NXPE4: variants seen among roughly 807,000 people sequenced by gnomAD.
The protein encoded by NXPE4 is neurexophilin and PC-esterase domain family member 4.
A neutral mutation model predicts 33.3 loss-of-function variants in NXPE4; 42 were observed. The ratio of observed to expected loss-of-function variants is 1.26; its 90% CI spans 0.98 to 1.63. The LOEUF is 1.63. Among genes scored for constraint, NXPE4 ranks in the 40% most tolerant of loss-of-function variants. The pLI is 0.00. For missense variants in NXPE4, 709 were observed against 647.6 expected (o/e 1.09, Z -1.03); for synonymous variants, 253 against 234.9 (o/e 1.08, Z -0.71).
At chr11:114,641,278 T>A in the NXPE4 span, among the ~76,000 whole-genome samples, 1 of 151,922 alleles carries the variant, frequency 6.6e-6, no homozygotes, top group Admixed American at 6.6e-5. Context: ...ATCTATATTT[T>A]AAAAATTCCA....
chr11:114,592,374 C>T (rs1949476200), intron 2 of NXPE4, among the ~76,000 whole-genome samples: 1 of 151,990 alleles, frequency 6.6e-6, no homozygotes, highest in African/African-American at 2.4e-5. Context: ...TTTCTATACA[C>T]CAATACCAAA....
intron 2 of NXPE4, among the ~76,000 whole-genome samples, chr11:114,593,009 A>G (rs187951569): frequency 6.6e-6 from 1 of 152,256 alleles, no homozygotes; most frequent in Non-Finnish European, 1.5e-5. Flanking sequence ...TTCTCTCACC[A>G]TATACAAAAC....
chr11:114,659,012 A>G, the NXPE4 span, among the ~76,000 whole-genome samples: 1 of 152,166 alleles, frequency 6.6e-6, no homozygotes, highest in Admixed American at 6.5e-5. Flanking sequence ...ACACTGAGAA[A>G]AACCCTTTGT....
intron 5 of NXPE4, among the ~76,000 whole-genome samples, chr11:114,576,868 C>T (rs1949004347): frequency 6.6e-6 from 1 of 150,416 alleles, no homozygotes; most frequent in Non-Finnish European, 1.5e-5. Flanking sequence ...AGTCATTATA[C>T]GAAAAAAATA....
chr11:114,632,502 G>A, the NXPE4 span, among the ~76,000 whole-genome samples: 1 of 118,462 alleles, frequency 8.4e-6, no homozygotes, highest in African/African-American at 3.2e-5. Context: ...ATATATTATA[G>A]TATTTTATTT....
intron 4 of NXPE4, 30 bp from the exon 5 acceptor site, chr11:114,580,368 C>A: frequency 6.3e-7 from 1 of 1,588,788 alleles, no homozygotes; most frequent in Non-Finnish European, 8.6e-7. Context: ...ATAGGATCTT[C>A]CAAAACATCA....
the NXPE4 span, among the ~76,000 whole-genome samples, chr11:114,628,086 C>A: frequency 6.7e-6 from 1 of 148,658 alleles, no homozygotes; most frequent in East Asian, 1.9e-4. Flanking sequence ...CTTTAACACC[C>A]CACTGTCAAC....
chr11:114,605,984 C>T, the NXPE4 span, among the ~76,000 whole-genome samples: 1 of 151,418 alleles, frequency 6.6e-6, no homozygotes, highest in Admixed American at 6.6e-5. Context: ...ACCATTGTTA[C>T]CAGGTGGATA....
At chr11:114,584,995 A>G (rs2135248319) in intron 2 of NXPE4, among the ~76,000 whole-genome samples, 1 of 152,224 alleles carries the variant, frequency 6.6e-6, no homozygotes, top group African/African-American at 2.4e-5. Flanking sequence ...TGAAATGCCA[A>G]GTGCCTGCTT....
chr11:114,570,997 G>A lies in NXPE4; in HGVS notation c.1576C>T (p.His526Tyr). The stretch of plus-strand genomic sequence containing the variant: ...TTTCCGACTACATGTTGAGGTGGGT[G>A]TACATTATTTGTGCCATATGCAATT... ...ITIAYGTNNVHPPQHVVGNQI... is the reference protein window; with the variant it reads ...ITIAYGTNNVYPPQHVVGNQI... Residue 526 changes from histidine (H) to tyrosine (Y), a missense_variant, in exon 6 of 6, where the codon CAC becomes TAC. Physicochemically the swap from His to Tyr is moderately conservative, Grantham distance 83. Coordinates refer to ENST00000375478, the MANE Select transcript of NXPE4 (RefSeq NM_001077639.2). 6.2e-7 allele frequency: 1 copy of A among 1,612,622 alleles called. No individual in the cohort carries two copies. The highest frequency in any genetic ancestry group is 1.3e-5 in the African/African-American group (1 of 74,994).
chr11:114,600,332 T>G (rs1949622717), upstream of NXPE4, among the ~76,000 whole-genome samples: 1 of 152,084 alleles, frequency 6.6e-6, no homozygotes, highest in Non-Finnish European at 1.5e-5. Context: ...TCAAAACAAT[T>G]AAAAGTCTTC....
At chr11:114,601,180 GTACCTGTCACTCAAATAGCA>G in the NXPE4 span, among the ~76,000 whole-genome samples, 1 of 151,408 alleles carries the variant, frequency 6.6e-6, no homozygotes, top group African/African-American at 2.4e-5. Context: ...GAGTTTTAGT[GTACCTGTCACTCAAATAGCA>G]TACATTTTAC....
At position 114,581,758 on chromosome 11, in the gene NXPE4, T is replaced by A. The variant is rs1370550206; in HGVS notation, c.859A>T (p.Lys287Ter). ...RSNVGVEIME[K>*]FNTISVSKCN... ...TTGGAGACACTAATTGTATTGAATTTTTCCATAATCTCTACACCCACATTT... is the reference window on the plus strand; with the variant it reads ...TTGGAGACACTAATTGTATTGAATTATTCCATAATCTCTACACCCACATTT... Residue 287 changes from lysine (K) to a stop codon, truncating the protein, a stop_gained, in exon 4 of 6, where the codon AAA becomes TAA. Transcript: ENST00000375478. LOFTEE classifies it high-confidence loss of function. 6.2e-7 allele frequency: 1 copy of A among 1,611,922 alleles called. No homozygotes were observed. Among genetic ancestry groups the A allele is most frequent in the Non-Finnish European group, 8.5e-7 (1 of 1,179,000 alleles).
the NXPE4 span, among the ~76,000 whole-genome samples, chr11:114,662,024 A>T: frequency 8.2e-3 from 1,247 of 152,116 alleles, 18 homozygotes; most frequent in African/African-American, 0.028. Context: ...CTCTCCACCT[A>T]CCCCCCGCAA....
the NXPE4 span, among the ~76,000 whole-genome samples, chr11:114,623,767 T>G: frequency 3.6e-4 from 55 of 152,156 alleles, no homozygotes; most frequent in African/African-American, 1.3e-3. Context: ...TAATACATGT[T>G]GCCTCGTGGG....
chr11:114,654,568 C>T, the NXPE4 span, among the ~76,000 whole-genome samples: 10 of 152,070 alleles, frequency 6.6e-5, no homozygotes, highest in East Asian at 3.9e-4. Context: ...TGAGAACATT[C>T]GGTGTTTGGC....
At chr11:114,600,720 A>C (rs1949628110), upstream of NXPE4, among the ~76,000 whole-genome samples, 1 of 152,058 alleles carries the variant, frequency 6.6e-6, no homozygotes, top group South Asian at 2.1e-4. Context: ...AATCCAAAAA[A>C]AGTCTGTAAT....
intron 5 of NXPE4, 96 bp downstream of exon 5, chr11:114,580,036 G>T: frequency 9.1e-7 from 1 of 1,096,700 alleles, no homozygotes; most frequent in Non-Finnish European, 1.4e-6. Context: ...TGAAGAATAT[G>T]AAAAAAAGAG....
chr11:114,592,152 A>G (rs1323696015), intron 2 of NXPE4, among the ~76,000 whole-genome samples: 1 of 152,192 alleles, frequency 6.6e-6, no homozygotes, highest in African/African-American at 2.4e-5. Context: ...TATTCAACAT[A>G]GTATTGGAAG....
Sources: allele counts gnomAD v4.1 joint callset (sites outside exome capture counted in the v4.1 genomes callset), GRCh38; gene constraint gnomAD v4.1.1; transcripts MANE v1.5; gene names NCBI Gene and HGNC (gene_info 2026-07-23, HGNC 2026-07-21).